The following NEDD4 variants were observed in gnomAD, a reference collection of about 807,000 sequenced individuals.
NEDD4 encodes the protein NEDD4 E3 ubiquitin protein ligase, also known as E3 ubiquitin-protein ligase NEDD4.
In NEDD4, 99 loss-of-function variants were observed where a neutral mutation model predicts 144.9. The observed-to-expected ratio is 0.68, with a 90% CI of 0.58 to 0.81. The LOEUF is 0.81. Ranked by LOEUF, NEDD4 falls within the 30% of genes least tolerant of loss-of-function variation. The pLI is 0.00. For synonymous variants in NEDD4, 318 were observed against 350.6 expected (o/e 0.91, Z 1.04); for missense variants, 985 against 1,065.9 (o/e 0.92, Z 1.06).
rs189248209 is a variant in NEDD4 at position 55,897,277 on chromosome 15, T to C, written c.292-23269A>G. Among the ~76,000 whole-genome samples, 4 of 152,300 alleles carry C rather than the reference T, an allele frequency of 2.6e-5. No homozygotes were observed. In the East Asian group the frequency reaches 7.7e-4, roughly 29 times the overall value. On this transcript the variant is annotated intron_variant, in intron 5 of 28. Transcript: ENST00000435532. ...CGTGAGCCACTGCGCCCGGCCGATA[T>C]GGCATGTCTTAATGGAAAACTCTGC... is the stretch of plus-strand genomic sequence containing the variant.
intron 4 of NEDD4, among the ~76,000 whole-genome samples, chr15:55,929,579 TGTG>T (rs2036741391): frequency 6.6e-6 from 1 of 152,138 alleles, no homozygotes; most frequent in African/African-American, 2.4e-5. Context: ...AGTGAGAACA[TGTG>T]GTGGTTGGTT....
intron 7 of NEDD4, among the ~76,000 whole-genome samples, chr15:55,870,012 A>T (rs1268772423): frequency 1.3e-5 from 2 of 152,154 alleles, no homozygotes; most frequent in Non-Finnish European, 1.5e-5. Context: ...TACCTGTGGC[A>T]GTAGAGGAAA....
rs371061106 is a variant in NEDD4 at position 55,916,210 on chromosome 15, A to G, written c.291+8436T>C. The G allele has an allele frequency of 5.2e-5, 84 of 1,614,024 alleles. No individual in the cohort carries two copies. Among genetic ancestry groups the G allele is most frequent in the Middle Eastern group, 1.6e-4 (1 of 6,062 alleles). ...ACACTTCTATTGGAGGTGCTGTCAGAAGGTAAGTTTCCACCCAAAAAAGTA... is the reference window on the plus strand; with the variant it reads ...ACACTTCTATTGGAGGTGCTGTCAGGAGGTAAGTTTCCACCCAAAAAAGTA... On this transcript the variant is annotated intron_variant, in intron 5 of 28. Transcript: ENST00000435532.
chr15:55,895,169 T>G (rs1178503746), intron 5 of NEDD4, among the ~76,000 whole-genome samples: 1 of 152,222 alleles, frequency 6.6e-6, no homozygotes, highest in Admixed American at 6.5e-5. Flanking sequence ...GTATTCACTC[T>G]CGACTGAAAA....
At chr15:55,854,745 T>C (rs557027698) in intron 12 of NEDD4, among the ~76,000 whole-genome samples, 1 of 152,146 alleles carries the variant, frequency 6.6e-6, no homozygotes, top group Non-Finnish European at 1.5e-5. Context: ...GTGGATTTTA[T>C]GGTATGTAAA....
chr15:55,853,229 G>A (rs774323015), intron 12 of NEDD4, among the ~76,000 whole-genome samples: 25 of 152,060 alleles, frequency 1.6e-4, no homozygotes, highest in Non-Finnish European at 2.9e-4. Context: ...CTTAAAATGT[G>A]CAAGATAAAG....
At chr15:55,939,099 G>A (rs529965092) in intron 4 of NEDD4, among the ~76,000 whole-genome samples, 78 of 134,450 alleles carry the variant, frequency 5.8e-4, no homozygotes, top group African/African-American at 1.9e-3. Flanking sequence ...GAGTGAGACC[G>A]TGTCTCGAAA....
At chr15:55,862,478 C>T (rs1446924319) in intron 9 of NEDD4, among the ~76,000 whole-genome samples, 3 of 152,052 alleles carry the variant, frequency 2.0e-5, no homozygotes, top group South Asian at 2.1e-4. Context: ...CTGTCAAATG[C>T]GCGTTTAACG....
chr15:55,895,348 TGCTA>T (rs2035705705), intron 5 of NEDD4, among the ~76,000 whole-genome samples: 2 of 152,246 alleles, frequency 1.3e-5, no homozygotes, highest in Non-Finnish European at 2.9e-5. Context: ...AGCAGACGAC[TGCTA>T]CTGTTGCAAA....
At chr15:55,962,240 G>A (rs542191520) in intron 2 of NEDD4, among the ~76,000 whole-genome samples, 23 of 152,062 alleles carry the variant, frequency 1.5e-4, no homozygotes, top group East Asian at 1.9e-4. Flanking sequence ...TTTTGCGTCC[G>A]CTTTCTTTCA....
chr15:55,917,398 A>T (rs2036482231), intron 5 of NEDD4, among the ~76,000 whole-genome samples: 2 of 152,158 alleles, frequency 1.3e-5, no homozygotes, highest in Non-Finnish European at 1.5e-5. Flanking sequence ...ATCAAATCAA[A>T]GATTGAATTT....
At chr15:55,830,644 C>G in intron 27 of NEDD4, 58 bp from the exon 28 acceptor site, 2 of 1,460,802 alleles carry the variant, frequency 1.4e-6, no homozygotes, top group Non-Finnish European at 1.9e-6. Context: ...CCAGGCATAT[C>G]AAAACTTTTT....
At chr15:55,980,866 A>G (rs1318766159) in intron 1 of NEDD4, among the ~76,000 whole-genome samples, 1 of 152,102 alleles carries the variant, frequency 6.6e-6, no homozygotes, top group African/African-American at 2.4e-5. Flanking sequence ...ACAGCTTGCA[A>G]TTAAATTTGT....
chr15:55,837,820 C>T lies in NEDD4; in HGVS notation c.2231G>A (p.Arg744Gln), dbSNP rs777845396. ...AAAAGCAGCCATTTGCTTCTGGATT[C>T]GGTTTACAAATCGCCATTGTATTAC... ...YLVIQWRFVNRIQKQMAAFKE... is the reference protein window; with the variant it reads ...YLVIQWRFVNQIQKQMAAFKE... Residue 744 changes from arginine (R) to glutamine (Q), a missense_variant, in exon 24 of 29, where the codon CGA becomes CAA. Coordinates refer to ENST00000435532, the MANE Select transcript of NEDD4 (RefSeq NM_006154.4). 8.7e-6 allele frequency: 14 copies of T among 1,611,794 alleles called. No individual in the cohort carries two copies. Among genetic ancestry groups the T allele is most frequent in the Admixed American group, 5.0e-5 (3 of 59,752 alleles).
intron 5 of NEDD4, among the ~76,000 whole-genome samples, chr15:55,880,103 C>G (rs900542933): frequency 9.2e-5 from 14 of 152,070 alleles, no homozygotes; most frequent in African/African-American, 3.4e-4. Context: ...ACCAGCCTGA[C>G]CTACATGGTG....
At chr15:55,943,317 G>A (rs2037042842) in intron 4 of NEDD4, among the ~76,000 whole-genome samples, 1 of 152,200 alleles carries the variant, frequency 6.6e-6, no homozygotes, top group South Asian at 2.1e-4. Flanking sequence ...TGGGGAAGAT[G>A]CCTTGAATGC....
At chr15:55,877,836 ATTG>A (rs2035046429) in intron 5 of NEDD4, among the ~76,000 whole-genome samples, 1 of 152,060 alleles carries the variant, frequency 6.6e-6, no homozygotes, top group African/African-American at 2.4e-5. Flanking sequence ...ATAATCCATT[ATTG>A]TTACTTATTT....
chr15:55,850,631 G>C lies in NEDD4; in HGVS notation c.1258C>G (p.Gln420Glu), dbSNP rs940766577. 1 of 1,614,016 alleles carries C rather than the reference G, an allele frequency of 6.2e-7. No homozygotes were observed. Among genetic ancestry groups the C allele is most frequent in the African/African-American group, 1.3e-5 (1 of 74,924 alleles). Reference protein sequence around the residue: ...QQVTQPSEIEQGFLPKGWEVR... With the variant: ...QQVTQPSEIEEGFLPKGWEVR... ...TCCCAGCCTTTAGGAAGGAATCCTT[G>C]CTCAATTTCAGATGGCTGGGTCACC... is the stretch of plus-strand genomic sequence containing the variant. The change falls in exon 14 of 29, where the codon CAA (glutamine) becomes GAA (glutamate). Residue 420 changes from glutamine (Q) to glutamate (E), a missense_variant. Physicochemically the swap from Gln to Glu is conservative, Grantham distance 29. Transcript: ENST00000435532.
At chr15:55,875,744 T>C (rs1163973541) in intron 5 of NEDD4, among the ~76,000 whole-genome samples, 1 of 152,088 alleles carries the variant, frequency 6.6e-6, no homozygotes, top group Non-Finnish European at 1.5e-5. Flanking sequence ...AGAATTTATC[T>C]AATATGAAAA....
Sources: allele counts gnomAD v4.1 joint callset (sites outside exome capture counted in the v4.1 genomes callset), GRCh38; gene constraint gnomAD v4.1.1; transcripts MANE v1.5; gene names NCBI Gene and HGNC (gene_info 2026-07-23, HGNC 2026-07-21).